Variants in NSF observed in about 807,000 individuals in gnomAD.
NSF encodes the protein N-ethylmaleimide sensitive factor, vesicle fusing ATPase.
Under a neutral mutation model 50.3 loss-of-function variants are expected in NSF, and 14 were observed. The ratio of observed to expected loss-of-function variants is 0.28; its 90% CI spans 0.18 to 0.44. NSF has a LOEUF of 0.44. Among genes scored for constraint, NSF ranks in the 20% least tolerant of loss-of-function variants. The pLI is 1.00. For missense variants in NSF, 218 were observed against 504.3 expected (o/e 0.43, Z 5.44); for synonymous variants, 109 against 175.7 (o/e 0.62, Z 3.00).
chr17:46,708,822 ATTT>A (rs386627394), intron 13 of NSF, among the ~76,000 whole-genome samples: 1 of 108,852 alleles, frequency 9.2e-6, no homozygotes, highest in African/African-American at 3.8e-5. Context: ...ATATATATAT[ATTT>A]TTTTTTTTTT....
chr17:46,729,309 G>A (rs1722170682), intron 17 of NSF, among the ~76,000 whole-genome samples: 1 of 152,088 alleles, frequency 6.6e-6, no homozygotes, highest in African/African-American at 2.4e-5. Context: ...ATAATTTCAT[G>A]GGTTTTCCTA....
intron 17 of NSF, among the ~76,000 whole-genome samples, chr17:46,739,319 C>T (rs992683027): frequency 3.0e-5 from 4 of 134,418 alleles, no homozygotes; most frequent in Non-Finnish European, 4.5e-5. Flanking sequence ...TGCAGCGAGC[C>T]GAGATCGCGC....
intron 19 of NSF, among the ~76,000 whole-genome samples, chr17:46,752,171 C>T (rs1336306063): frequency 6.6e-6 from 1 of 152,200 alleles, no homozygotes; most frequent in East Asian, 1.9e-4. Context: ...GTTGAAGCAT[C>T]CAGAATCACA....
At chr17:46,725,201 T>C (rs948737413) in intron 15 of NSF, among the ~76,000 whole-genome samples, 3 of 152,222 alleles carry the variant, frequency 2.0e-5, no homozygotes, top group Non-Finnish European at 4.4e-5. Flanking sequence ...TTGGAACTTG[T>C]GTTGTTTCAA....
rs369686405 is a variant in NSF at position 46,729,881 on chromosome 17, TGAAAA to T, written c.1908+952_1908+956del. 3.0e-4 allele frequency among the ~76,000 whole-genome samples: 46 copies of T among 152,256 alleles called. No individual in the cohort carries two copies. In the East Asian group the frequency reaches 8.5e-3, roughly 28 times the overall value. ...AGTTTTTTTTTAACTTCTAAAATAATGAAAAGAAACATAACCTATAATAGTCTTGA... is the reference window on the plus strand; with the variant it reads ...AGTTTTTTTTTAACTTCTAAAATAATGAAACATAACCTATAATAGTCTTGA... On this transcript the variant is annotated intron_variant, in intron 17 of 20. Transcript: ENST00000398238.
rs926261276 is a variant in NSF, at chr17:46,708,271, C to T, written c.1471-2692C>T. 3.3e-4 allele frequency among the ~76,000 whole-genome samples: 50 copies of T among 151,996 alleles called. 1 individual carries two copies. The highest frequency in any genetic ancestry group is 2.4e-4 in the African/African-American group (10 of 41,396). On this transcript the variant is annotated intron_variant, in intron 13 of 20. Coordinates refer to ENST00000398238, the MANE Select transcript of NSF (RefSeq NM_006178.4). ...TTAATTTTTTGAGGGACCACCATAC[C>T]GTTTTCCACGGTGGCTGCACCATTT...
In NSF at chr17:46,605,208, T is replaced by A. The variant is rs1224250825; in HGVS notation, c.12+14421T>A. Among the ~76,000 whole-genome samples, 8 of 72,694 alleles carry A rather than the reference T, an allele frequency of 1.1e-4. No individual in the cohort carries two copies. In the South Asian group the frequency reaches 4.7e-3, roughly 43 times the overall value. 47.7% of individuals were successfully genotyped at this position (72,694 alleles called of 152,430 possible). A position where few individuals can be genotyped will look rare whatever the true frequency, so the allele number is the denominator to read the frequency against. On this transcript the variant is annotated intron_variant, in intron 1 of 20. Coordinates refer to ENST00000398238, the MANE Select transcript of NSF (RefSeq NM_006178.4). ...GGCTCACGCCTGTAATCCCAGCACT[T>A]TGGGAGCCCGAGGAGGGTGGATCAC... is the stretch of plus-strand genomic sequence containing the variant.
chr17:46,718,305 C>G (rs2058794784), intron 15 of NSF, among the ~76,000 whole-genome samples: 1 of 152,086 alleles, frequency 6.6e-6, no homozygotes, highest in Non-Finnish European at 1.5e-5. Flanking sequence ...CATGCCGGGC[C>G]AGCCCCACCT....
Position 46,728,926 on chromosome 17 carries a change from C to T in NSF, c.1900C>T (p.Pro634Ser). ...TCTTCTCGTTTTACTGAAAAAGGCA[C>T]CTCCTCAGGTAAAATAATACTACTA... Reference protein sequence around the residue: ...QALLVLLKKAPPQGRKLLIIG... With the variant: ...QALLVLLKKASPQGRKLLIIG... The change falls in exon 17 of 21, where the codon CCT becomes TCT. Residue 634 changes from proline to serine, a missense_variant. Pro to Ser is a moderately conservative substitution (Grantham distance 74). Transcript: ENST00000398238. The T allele has an allele frequency of 6.3e-7, 1 of 1,599,556 alleles. No individual in the cohort carries two copies. The highest frequency in any genetic ancestry group is 1.1e-5 in the South Asian group (1 of 89,408).
intron 17 of NSF, among the ~76,000 whole-genome samples, chr17:46,734,692 A>G (rs1413193694): frequency 9.2e-5 from 14 of 152,194 alleles, no homozygotes; most frequent in Non-Finnish European, 2.1e-4. Context: ...TGTGGACTAC[A>G]TAGATAGACA....
chr17:46,741,827 C>T (rs1037332702), intron 17 of NSF, among the ~76,000 whole-genome samples: 6 of 152,100 alleles, frequency 3.9e-5, no homozygotes, highest in Non-Finnish European at 8.8e-5. Flanking sequence ...AGTGCAGTGG[C>T]GCCATCTCGG....
rs527750960 is a variant in NSF, at chr17:46,601,928, A to G, written c.12+11141A>G. The stretch of plus-strand genomic sequence containing the variant: ...GCCTGGCATGGTGGCTCACACCTGT[A>G]ATCCTAGCACTTTGGGAGGCTGAGG... On this transcript the variant is annotated intron_variant, in intron 1 of 20. Coordinates refer to ENST00000398238, the MANE Select transcript of NSF (RefSeq NM_006178.4). Among the ~76,000 whole-genome samples the G allele has an allele frequency of 2.5e-4, 37 of 146,680 alleles. 5 individuals are homozygous for G. Among genetic ancestry groups the G allele is most frequent in the African/African-American group, 9.4e-4 (35 of 37,348 alleles).
At chr17:46,677,839 TG>T in intron 9 of NSF, among the ~76,000 whole-genome samples, 1 of 66,258 alleles carries the variant, frequency 1.5e-5, no homozygotes. Context: ...GACAGGCTAG[TG>T]GGAGTAATGG....
intron 17 of NSF, among the ~76,000 whole-genome samples, chr17:46,744,094 C>T (rs546265659): frequency 1.5e-4 from 23 of 152,228 alleles, no homozygotes; most frequent in South Asian, 1.0e-3. Flanking sequence ...CCCCATAAAC[C>T]GGGTGCCCTC....
chr17:46,755,033 A>C (rs2059219219), intron 19 of NSF, among the ~76,000 whole-genome samples: 1 of 152,266 alleles, frequency 6.6e-6, no homozygotes, highest in African/African-American at 2.4e-5. Flanking sequence ...CCTCACAGGC[A>C]TCAGCACAGG....
intron 15 of NSF, among the ~76,000 whole-genome samples, chr17:46,715,461 C>G (rs1256548378): frequency 1.3e-5 from 2 of 152,164 alleles, no homozygotes; most frequent in Non-Finnish European, 2.9e-5. Context: ...ATAGCTAATT[C>G]TATTTGCATT....
Position 46,749,889 on chromosome 17 carries a change from G to GC in NSF, c.2026dup (p.Leu676ProfsTer14), listed in dbSNP as rs748113901. 6.2e-7 allele frequency: 1 copy of GC among 1,613,920 alleles called. No homozygotes were observed. Among genetic ancestry groups the GC allele is most frequent in the East Asian group, 2.2e-5 (1 of 44,880 alleles). On this transcript the variant is annotated frameshift_variant, in exon 18 of 21. Transcript: ENST00000398238. LOFTEE classifies it high-confidence loss of function. ...TGCCCAACATTGCCACAGGAGAGCA[G>GC]CTGTTGGAAGCTTTGGAGGTAAAAA...
At chr17:46,631,082 A>ACACACACACG (rs1555668599) in intron 4 of NSF, among the ~76,000 whole-genome samples, 20 of 142,162 alleles carry the variant, frequency 1.4e-4, no homozygotes, top group East Asian at 8.8e-4. Context: ...ACACACACAC[A>ACACACACACG]CACACACACA....
chr17:46,744,762 C>G (rs996838934), intron 17 of NSF, among the ~76,000 whole-genome samples: 1 of 152,154 alleles, frequency 6.6e-6, no homozygotes, highest in Admixed American at 6.5e-5. Context: ...GCTTAGTACT[C>G]GCTCATTCTT....
Sources: allele counts gnomAD v4.1 joint callset (sites outside exome capture counted in the v4.1 genomes callset), GRCh38; gene constraint gnomAD v4.1.1; transcripts MANE v1.5; gene names NCBI Gene and HGNC (gene_info 2026-07-23, HGNC 2026-07-21).